Variants in ZNF451 observed in about 807,000 individuals in gnomAD.
ZNF451 encodes the protein zinc finger protein 451.
Under a neutral mutation model 107.1 loss-of-function variants are expected in ZNF451, and 80 were observed. That is an observed-to-expected ratio of 0.75 (90% CI 0.62 to 0.90). ZNF451 has a LOEUF of 0.90. Among genes scored for constraint, ZNF451 ranks in the 40% least tolerant of loss-of-function variants. The probability of loss-of-function intolerance (pLI) is 0.00; values close to 1 mark genes in which losing one functional copy is unlikely to be tolerated. For missense variants in ZNF451, 1,107 were observed against 1,236.2 expected (o/e 0.90, Z 1.57); for synonymous variants, 362 against 406.5 (o/e 0.89, Z 1.32).
At position 57,131,938 on chromosome 6, in the gene ZNF451, C is replaced by T. The variant is rs140305859; in HGVS notation, c.425-1104C>T. 2.5e-4 allele frequency among the ~76,000 whole-genome samples: 38 copies of T among 152,112 alleles called. No homozygotes were observed. The East Asian group carries it at 4.1e-3, about 16-fold the overall frequency. Reference sequence around the variant, plus strand: ...TTTAAATTTTTCTTCATATATCATGCGTTGGGAGTTGCCCCGAGGACATTT... The same window carrying T: ...TTTAAATTTTTCTTCATATATCATGTGTTGGGAGTTGCCCCGAGGACATTT... On this transcript the variant is annotated intron_variant, in intron 5 of 14. Transcript: ENST00000370706.
chr6:57,112,163 A>C (rs916100395), intron 3 of ZNF451, among the ~76,000 whole-genome samples: 1 of 152,204 alleles, frequency 6.6e-6, no homozygotes, highest in African/African-American at 2.4e-5. Context: ...GAGTTATATA[A>C]GTTGAGTAGA....
At chr6:57,131,229 T>A (rs948323148) in intron 5 of ZNF451, among the ~76,000 whole-genome samples, 1 of 152,146 alleles carries the variant, frequency 6.6e-6, no homozygotes, top group African/African-American at 2.4e-5. Context: ...TCTTTATGGG[T>A]TTTTAGAGTT....
rs966021116 is a variant in ZNF451 at position 57,152,270 on chromosome 6, C to G, written c.2802C>G (p.Tyr934Ter). ...CGCTCAACTGTAAGATTTATAACTA[C>G]CTGAACAGGATTGGATGCTTCTTCC... ...KPPLNCKIYNYLNRIGCFFLH... is the reference protein window; with the variant it reads ...KPPLNCKIYN The change falls in exon 12 of 15, where the codon TAC becomes TAG. Residue 934 changes from tyrosine to a stop codon, truncating the protein, a stop_gained. Coordinates refer to ENST00000370706, the MANE Select transcript of ZNF451 (RefSeq NM_001031623.3). LOFTEE classifies it high-confidence loss of function. 2 of 1,613,874 alleles carry G rather than the reference C, an allele frequency of 1.2e-6. No homozygotes were observed. The highest frequency in any genetic ancestry group is 2.7e-5 in the African/African-American group (2 of 75,032).
In ZNF451 at chr6:57,147,300, C is replaced by T. The variant is rs751477254; in HGVS notation, c.1215C>T (p.Ser405=). ...EESVLLYCHS[S]EGNKDPSSDL... ...CAGTCTTACTCTATTGCCACAGCAGCGAAGGGAACAAGGATCCTTCTTCTG... is the reference window on the plus strand; with the variant it reads ...CAGTCTTACTCTATTGCCACAGCAGTGAAGGGAACAAGGATCCTTCTTCTG... Residue 405 remains serine, a synonymous_variant, in exon 10 of 15, where the codon AGC becomes AGT. Transcript: ENST00000370706. The T allele has an allele frequency of 2.2e-5, 35 of 1,613,940 alleles. No individual in the cohort carries two copies. Among genetic ancestry groups the T allele is most frequent in the Admixed American group, 5.0e-5 (3 of 59,988 alleles).
intron 9 of ZNF451, among the ~76,000 whole-genome samples, chr6:57,145,440 C>T (rs1029668480): frequency 1.3e-5 from 2 of 152,150 alleles, no homozygotes; most frequent in East Asian, 3.8e-4. Context: ...TTTTCCAACC[C>T]TCACCCATTT....
intron 3 of ZNF451, among the ~76,000 whole-genome samples, chr6:57,121,380 C>G (rs1428748887): frequency 6.6e-6 from 1 of 152,144 alleles, no homozygotes; most frequent in African/African-American, 2.4e-5. Context: ...TCTCCATATA[C>G]ACTTCAAATT....
intron 6 of ZNF451, among the ~76,000 whole-genome samples, chr6:57,133,672 TTTTG>T (rs201928042): frequency 2.6e-4 from 40 of 152,160 alleles, no homozygotes; most frequent in Non-Finnish European, 2.9e-4. Flanking sequence ...GTTTGGTGGT[TTTTG>T]TTTGTTTGTT....
In ZNF451 at chr6:57,147,861, T is replaced by A; in HGVS notation, c.1776T>A (p.Val592=). The A allele has an allele frequency of 6.2e-7, 1 of 1,614,142 alleles. No homozygotes were observed. The highest frequency in any genetic ancestry group is 1.1e-5 in the South Asian group (1 of 91,084). The stretch of plus-strand genomic sequence containing the variant: ...ACAAGCCTTCATCAGCTATTACTGT[T>A]ATTGATCATTCCCCGGCAAATAGTT... The part of the protein sequence containing the change: ...TANKPSSAIT[V]IDHSPANSSP... The change falls in exon 10 of 15, where the codon GTT becomes GTA. Residue 592 remains valine, a synonymous_variant. Transcript: ENST00000370706.
chr6:57,125,877 A>AT (rs1447982588), intron 4 of ZNF451, among the ~76,000 whole-genome samples: 1 of 152,060 alleles, frequency 6.6e-6, no homozygotes, highest in Non-Finnish European at 1.5e-5. Context: ...AGACAATATT[A>AT]TTTTTATCCT....
At chr6:57,117,930 A>T (rs1024900217) in intron 3 of ZNF451, among the ~76,000 whole-genome samples, 5 of 152,204 alleles carry the variant, frequency 3.3e-5, no homozygotes, top group African/African-American at 1.2e-4. Flanking sequence ...TATCCAAAAC[A>T]TGGCCTTCTT....
At chr6:57,104,695 A>T (rs1335275233) in intron 3 of ZNF451, 8 of 985,188 alleles carry the variant, frequency 8.1e-6, no homozygotes, top group Non-Finnish European at 9.6e-6. Flanking sequence ...ATTGTTGCGC[A>T]GCTCCTCCAT....
chr6:57,132,692 A>AT (rs1298578066), intron 5 of ZNF451, among the ~76,000 whole-genome samples: 6 of 151,558 alleles, frequency 4.0e-5, no homozygotes, highest in South Asian at 2.1e-4. Flanking sequence ...AAAGAAAAGG[A>AT]TTTTTTTTCC....
At chr6:57,115,889 G>C (rs1298809336) in intron 3 of ZNF451, 1 of 152,084 alleles carries the variant, frequency 6.6e-6, no homozygotes, top group African/African-American at 2.4e-5. Flanking sequence ...GGTGACCATA[G>C]GAAATACTTC....
intron 7 of ZNF451, among the ~76,000 whole-genome samples, chr6:57,141,099 G>A (rs191084904): frequency 1.4e-3 from 205 of 151,736 alleles, no homozygotes; most frequent in Non-Finnish European, 2.1e-3. Flanking sequence ...TGGTTTTGAG[G>A]AAAAAAAACT....
chr6:57,093,255 A>T (rs907067788), intron 2 of ZNF451, among the ~76,000 whole-genome samples: 1 of 152,192 alleles, frequency 6.6e-6, no homozygotes, highest in African/African-American at 2.4e-5. Context: ...ACAAAACAAT[A>T]CAAGAGATTC....
At chr6:57,109,449 C>A in intron 3 of ZNF451, 8 of 985,404 alleles carry the variant, frequency 8.1e-6, no homozygotes, top group Non-Finnish European at 9.6e-6. Context: ...TTTTCTTACT[C>A]TCAAATGAGG....
chr6:57,155,340 G>A (rs1278224915), intron 13 of ZNF451, among the ~76,000 whole-genome samples: 1 of 152,098 alleles, frequency 6.6e-6, no homozygotes, highest in Admixed American at 6.5e-5. Flanking sequence ...ACAAAAATTA[G>A]CTGGGCATGG....
At position 57,153,985 on chromosome 6, in the gene ZNF451, C is replaced by G. The variant is rs908651102; in HGVS notation, c.3008C>G (p.Pro1003Arg). The G allele has an allele frequency of 6.2e-7, 1 of 1,614,026 alleles. No individual in the cohort carries two copies. Among genetic ancestry groups the G allele is most frequent in the Non-Finnish European group, 8.5e-7 (1 of 1,180,032 alleles). Residue 1003 changes from proline to arginine, a missense_variant, in exon 13 of 15, where the codon CCT becomes CGT. By Grantham distance (103) the Pro-to-Arg change is moderately radical. Coordinates refer to ENST00000370706, the MANE Select transcript of ZNF451 (RefSeq NM_001031623.3). ...CAGAGGCCAGCTCATATACTAAACC[C>G]TCACCACTTAGAGGGAGATATGATG... Reference protein sequence around the residue: ...KTQRPAHILNPHHLEGDMMCA... With the variant: ...KTQRPAHILNRHHLEGDMMCA...
chr6:57,155,585 G>A (rs904503560), intron 13 of ZNF451, among the ~76,000 whole-genome samples: 5 of 152,060 alleles, frequency 3.3e-5, no homozygotes, highest in African/African-American at 4.8e-5. Flanking sequence ...TACCTTTGCC[G>A]CACAAGGCCA....
Sources: allele counts gnomAD v4.1 joint callset (sites outside exome capture counted in the v4.1 genomes callset), GRCh38; gene constraint gnomAD v4.1.1; transcripts MANE v1.5; gene names NCBI Gene and HGNC (gene_info 2026-07-23, HGNC 2026-07-21).